Variants in IL18R1 observed in about 807,000 individuals in gnomAD.
IL18R1 encodes interleukin 18 receptor 1.
A neutral mutation model predicts 48.5 loss-of-function variants in IL18R1; 40 were observed. The observed-to-expected ratio is 0.82, with a 90% CI of 0.64 to 1.07. IL18R1 has a LOEUF of 1.07. IL18R1 is among the 50% of genes least tolerant of loss of function. The pLI, the probability that IL18R1 is intolerant of heterozygous loss-of-function variation, is 0.00. For missense variants in IL18R1, 596 were observed against 633.7 expected, an observed-to-expected ratio of 0.94 and a Z score of 0.64; for synonymous variants, 232 against 225.9, an observed-to-expected ratio of 1.03 and a Z score of -0.24.
chr2:102,366,027 C>A (rs990152016), intron 2 of IL18R1, among the ~76,000 whole-genome samples: 2 of 152,180 alleles, frequency 1.3e-5, no homozygotes, highest in African/African-American at 2.4e-5. Flanking sequence ...CTCTGACATA[C>A]CCTAGAGGCA....
intron 2 of IL18R1, among the ~76,000 whole-genome samples, chr2:102,366,622 C>T (rs943054879): frequency 6.6e-6 from 1 of 152,152 alleles, no homozygotes; most frequent in Non-Finnish European, 1.5e-5. Flanking sequence ...CATTCTCACA[C>T]TGCTAATAAA....
chr2:102,384,152 A>G (rs1573219378), intron 6 of IL18R1, among the ~76,000 whole-genome samples: 2 of 152,294 alleles, frequency 1.3e-5, no homozygotes, highest in East Asian at 3.9e-4. Context: ...TGTTCACTCC[A>G]ATCTGTCTTC....
chr2:102,397,089 A>C lies in IL18R1; in HGVS notation c.*203A>C. ...GGCTGTGGTCACGTGCTCCCAGAAG[A>C]CCTGGAATTCAAAAGAAATGGAGCT... On this transcript the variant is annotated 3_prime_UTR_variant, in exon 11 of 11. Coordinates refer to ENST00000233957, the MANE Select transcript of IL18R1 (RefSeq NM_003855.5). The C allele has an allele frequency of 2.0e-6, 1 of 488,052 alleles. No individual in the cohort carries two copies. The highest frequency in any genetic ancestry group is 3.6e-6 in the Non-Finnish European group (1 of 279,228). The allele number at this position is 488,052 out of a possible 1,614,324, so 30.2% of individuals were successfully genotyped here.
chr2:102,384,878 G>A lies in IL18R1; in HGVS notation c.689G>A (p.Gly230Glu). The change falls in exon 7 of 11, where the codon GGA (glycine) becomes GAA (glutamate). Residue 230 changes from glycine to glutamate, a missense_variant and splice_region_variant. By Grantham distance (98) the Gly-to-Glu change is moderately conservative. Transcript: ENST00000233957. ...PKLNHVAVEL[G>E]KNVRLNCSAL... Reference sequence around the variant, plus strand: ...AACTTTAGTTGCCAACTTTTACCAGGAAAAAACGTAAGGCTCAACTGCTCT... The same window carrying A: ...AACTTTAGTTGCCAACTTTTACCAGAAAAAAACGTAAGGCTCAACTGCTCT... 1.9e-6 allele frequency: 3 copies of A among 1,606,098 alleles called. No individual in the cohort carries two copies. Among genetic ancestry groups the A allele is most frequent in the Non-Finnish European group, 2.5e-6 (3 of 1,177,164 alleles).
At chr2:102,376,158 T>A in intron 5 of IL18R1, 95 bp downstream of exon 5, 1 of 1,042,676 alleles carries the variant, frequency 9.6e-7, no homozygotes, top group South Asian at 2.0e-5. Context: ...GAGAGTCCAC[T>A]TAGTTGGGGT....
chr2:102,360,332 C>T (rs767326129), intron 1 of IL18R1, among the ~76,000 whole-genome samples: 32 of 152,220 alleles, frequency 2.1e-4, no homozygotes, highest in South Asian at 6.2e-4. Context: ...GATGAGATCT[C>T]GGCTCACTGC....
intron 5 of IL18R1, among the ~76,000 whole-genome samples, chr2:102,381,063 G>A (rs534293516): frequency 6.6e-6 from 1 of 152,324 alleles, no homozygotes; most frequent in African/African-American, 2.4e-5. Flanking sequence ...GGGGTCAGAA[G>A]CCACTCAGGA....
At position 102,386,960 on chromosome 2, in the gene IL18R1, G is replaced by T; in HGVS notation, c.909G>T (p.Thr303=). The T allele has an allele frequency of 6.2e-7, 1 of 1,613,838 alleles. No homozygotes were observed. The highest frequency in any genetic ancestry group is 8.5e-7 in the Non-Finnish European group (1 of 1,179,858). The change falls in exon 8 of 11, where the codon ACG becomes ACT. Residue 303 remains threonine, a synonymous_variant. Transcript: ENST00000233957. The part of the protein sequence containing the change: ...NVLYNCTVAS[T]GGTDTKSFIL... ...TATATAATTGCACTGTGGCCAGCAC[G>T]GGAGGCACAGACACCAAAAGCTTCA...
chr2:102,387,505 T>TAA (rs1478388606), intron 8 of IL18R1, among the ~76,000 whole-genome samples: 1 of 152,198 alleles, frequency 6.6e-6, no homozygotes, highest in African/African-American at 2.4e-5. Context: ...TGTGGGCTCT[T>TAA]AAAGTTTTTC....
intron 6 of IL18R1, 22 bp from the exon 7 acceptor site, chr2:102,384,856 T>G: frequency 6.2e-7 from 1 of 1,606,546 alleles, no homozygotes. Flanking sequence ...AAATCAGAAC[T>G]TTAGTTGCCA....
chr2:102,384,969 T>A lies in IL18R1; in HGVS notation c.780T>A (p.Asn260Lys). ...MFGEENGSDP[N>K]IHEEKEMRIM... is the part of the protein sequence containing the mutation. ...GGGAAGAAAATGGATCGGATCCTAATATACATGAAGAGAAAGAAATGAGAA... is the reference window on the plus strand; with the variant it reads ...GGGAAGAAAATGGATCGGATCCTAAAATACATGAAGAGAAAGAAATGAGAA... The change falls in exon 7 of 11, where the codon AAT becomes AAA. Residue 260 changes from asparagine to lysine, a missense_variant. Asn to Lys is a moderately conservative substitution (Grantham distance 94, BLOSUM62 0). This residue lies in a region of IL18R1 where 360 missense variants were observed against 339.4 expected (regional missense o/e 1.06). Coordinates refer to ENST00000233957, the MANE Select transcript of IL18R1 (RefSeq NM_003855.5). 1 of 1,599,340 alleles carries A rather than the reference T, an allele frequency of 6.3e-7. No homozygotes were observed. The highest frequency in any genetic ancestry group is 8.6e-7 in the Non-Finnish European group (1 of 1,167,160).
intron 4 of IL18R1, among the ~76,000 whole-genome samples, chr2:102,375,326 A>C (rs3771164): frequency 1.3e-5 from 2 of 151,830 alleles, no homozygotes; most frequent in African/African-American, 4.8e-5. Context: ...AATGTGTGTG[A>C]GAGAGAGAGA....
intron 7 of IL18R1, among the ~76,000 whole-genome samples, chr2:102,386,311 G>A (rs1409180055): frequency 6.6e-6 from 1 of 152,354 alleles, no homozygotes; most frequent in Non-Finnish European, 1.5e-5. Flanking sequence ...CGTGCTGCCA[G>A]TGGCTTTCTC....
intron 2 of IL18R1, among the ~76,000 whole-genome samples, chr2:102,366,014 G>T (rs1032187071): frequency 6.6e-6 from 1 of 152,170 alleles, no homozygotes; most frequent in African/African-American, 2.4e-5. Flanking sequence ...CTCTCATGAA[G>T]ATCTCTGACA....
At chr2:102,380,063 A>G (rs547988355) in intron 5 of IL18R1, among the ~76,000 whole-genome samples, 1 of 152,284 alleles carries the variant, frequency 6.6e-6, no homozygotes, top group East Asian at 1.9e-4. Flanking sequence ...GGCATCTGCC[A>G]CTTTCCTGGT....
chr2:102,394,633 A>C lies in IL18R1; in HGVS notation c.1270+6A>C, dbSNP rs758879544. 1 of 1,584,876 alleles carries C rather than the reference A, an allele frequency of 6.3e-7. No individual in the cohort carries two copies. The highest frequency in any genetic ancestry group is 8.6e-7 in the Non-Finnish European group (1 of 1,161,336). Reference sequence around the variant, plus strand: ...GGATGTAGTGCCTGGAGGAGGTAAGAGGGAATGCCAGATAGAAAAATATTC... The same window carrying C: ...GGATGTAGTGCCTGGAGGAGGTAAGCGGGAATGCCAGATAGAAAAATATTC... On this transcript the variant is annotated splice_donor_region_variant and intron_variant, in intron 10 of 10. Coordinates refer to ENST00000233957, the MANE Select transcript of IL18R1 (RefSeq NM_003855.5).
At chr2:102,390,541 T>C (rs1274995365) in intron 9 of IL18R1, among the ~76,000 whole-genome samples, 3 of 152,188 alleles carry the variant, frequency 2.0e-5, no homozygotes, top group Non-Finnish European at 4.4e-5. Context: ...GGTATCTTTA[T>C]AGTACATACA....
intron 5 of IL18R1, among the ~76,000 whole-genome samples, chr2:102,379,561 A>G (rs1170509647): frequency 3.9e-5 from 6 of 151,980 alleles, no homozygotes; most frequent in African/African-American, 1.5e-4. Context: ...TAGAAATGTG[A>G]CTGGACAAAA....
At chr2:102,390,383 C>G (rs977264580) in intron 9 of IL18R1, among the ~76,000 whole-genome samples, 166 bp downstream of exon 9, 1 of 152,032 alleles carries the variant, frequency 6.6e-6, no homozygotes, top group Non-Finnish European at 1.5e-5. Flanking sequence ...TGAATGTTGT[C>G]TATGTCTTCT....
Sources: gnomAD v4.1 joint callset for allele counts (sites outside exome capture counted in the v4.1 genomes callset) on GRCh38, gnomAD v4.1.1 for gene constraint, gnomAD v4.1.1 regional missense constraint, MANE v1.5 for transcripts, NCBI Gene and HGNC (gene_info 2026-07-23, HGNC 2026-07-21) for gene names.